SPATA9: variants seen among roughly 807,000 people sequenced by gnomAD.
SPATA9 encodes spermatogenesis associated 9, also known as spermatogenesis-associated protein 9.
A neutral mutation model predicts 25.5 loss-of-function variants in SPATA9; 27 were observed. The ratio of observed to expected loss-of-function variants is 1.06; its 90% confidence interval spans 0.78 to 1.46. The LOEUF is 1.46. Among genes scored for constraint, SPATA9 ranks in the 40% most tolerant of loss-of-function variants. The pLI, the probability that SPATA9 is intolerant of heterozygous loss-of-function variation, is 0.00. For missense variants in SPATA9, 282 were observed against 297.5 expected (o/e 0.95, Z 0.38); for synonymous variants, 102 against 105.7 (o/e 0.97, Z 0.21).
At chr5:95,696,519 A>C (rs1754025763) in intron 1 of SPATA9, among the ~76,000 whole-genome samples, 1 of 152,186 alleles carries the variant, frequency 6.6e-6, no homozygotes, top group Non-Finnish European at 1.5e-5. Flanking sequence ...TTGTAAAAGA[A>C]AGGAGTATTG....
intron 3 of SPATA9, among the ~76,000 whole-genome samples, chr5:95,668,829 A>T (rs940007462): frequency 1.3e-5 from 2 of 152,190 alleles, no homozygotes; most frequent in Non-Finnish European, 2.9e-5. Flanking sequence ...TCACACAAAA[A>T]ACCCAACAGT....
At chr5:95,657,832 C>G (rs1750854193), downstream of SPATA9, 1 of 152,130 alleles carries the variant, frequency 6.6e-6, no homozygotes, top group South Asian at 2.1e-4. Flanking sequence ...GAAGGTACAT[C>G]CCAGTCTATT....
chr5:95,654,056 A>G (rs754590866), downstream of SPATA9: 28 of 1,605,390 alleles, frequency 1.7e-5, no homozygotes, highest in Middle Eastern at 2.3e-4. Flanking sequence ...TTTATGTTCA[A>G]CTAGCATGAA....
At chr5:95,697,577 G>A (rs910021474) in intron 1 of SPATA9, among the ~76,000 whole-genome samples, 8 of 152,154 alleles carry the variant, frequency 5.3e-5, no homozygotes, top group African/African-American at 1.9e-4. Context: ...CACAATCAAG[G>A]GGAGGGAAGG....
upstream of SPATA9, among the ~76,000 whole-genome samples, chr5:95,703,119 CAT>C (rs764480278): frequency 1.6e-4 from 24 of 152,250 alleles, no homozygotes; most frequent in Middle Eastern, 3.4e-3. Context: ...GTATTTGGAA[CAT>C]ATTTAGCAAA....
chr5:95,653,922 T>A (rs1300699808), downstream of SPATA9: 5 of 610,524 alleles, frequency 8.2e-6, no homozygotes, highest in Non-Finnish European at 1.4e-5. Flanking sequence ...CTAGTATTTA[T>A]AAATGTTTTA....
At chr5:95,712,703 C>T in the SPATA9 span, among the ~76,000 whole-genome samples, 1 of 152,148 alleles carries the variant, frequency 6.6e-6, no homozygotes, top group Admixed American at 6.5e-5. Flanking sequence ...TGAGTTTTCC[C>T]ACCTGAGGCC....
the SPATA9 span, among the ~76,000 whole-genome samples, chr5:95,711,814 T>G: frequency 6.6e-6 from 1 of 152,250 alleles, no homozygotes; most frequent in Non-Finnish European, 1.5e-5. Flanking sequence ...GGAGGATTCC[T>G]GACCAAACTT....
the SPATA9 span, among the ~76,000 whole-genome samples, chr5:95,724,347 A>T: frequency 6.6e-6 from 1 of 152,276 alleles, no homozygotes; most frequent in East Asian, 1.9e-4. Flanking sequence ...TTCTGAAACT[A>T]ATCAGAAGTG....
downstream of SPATA9, chr5:95,654,095 AAG>A (rs1318432547): frequency 1.2e-6 from 2 of 1,611,612 alleles, no homozygotes; most frequent in Non-Finnish European, 1.7e-6. Context: ...AGATCCTGAA[AAG>A]AGGGAATATT....
chr5:95,673,675 T>C (rs1752629231), intron 3 of SPATA9, among the ~76,000 whole-genome samples: 1 of 152,116 alleles, frequency 6.6e-6, no homozygotes, highest in Non-Finnish European at 1.5e-5. Flanking sequence ...GATATTTCAG[T>C]GGGGATTTAA....
chr5:95,665,988 G>A (rs1751771010), intron 3 of SPATA9, among the ~76,000 whole-genome samples: 2 of 151,956 alleles, frequency 1.3e-5, no homozygotes, highest in African/African-American at 4.8e-5. Context: ...TAAATAAAAG[G>A]TACTTCTGAA....
rs374536214 is a variant in SPATA9 at position 95,675,464 on chromosome 5, C to G, written c.326G>C (p.Gly109Ala). ...CRLLELRDIS[G>A]RLLREVNAPR... ...CGCATTAACTTCCCTCAGCAGACGA[C>G]CAGATATGTCCCTTAGCTCTAAAAG... is the stretch of plus-strand genomic sequence containing the variant. The change falls in exon 3 of 5, where the codon GGT (glycine) becomes GCT (alanine). Residue 109 changes from glycine to alanine, a missense_variant. Coordinates refer to ENST00000274432, the MANE Select transcript of SPATA9 (RefSeq NM_031952.4). 10 of 1,614,162 alleles carry G rather than the reference C, an allele frequency of 6.2e-6. 1 individual carries two copies. In the African/African-American group the frequency reaches 1.3e-4, roughly 22 times the overall value.
At chr5:95,705,307 C>T in the SPATA9 span, among the ~76,000 whole-genome samples, 2 of 152,122 alleles carry the variant, frequency 1.3e-5, no homozygotes, top group Admixed American at 6.6e-5. Context: ...CCAAAGGCCA[C>T]ATCCCTTAAT....
Position 95,675,575 on chromosome 5 carries a change from C to T in SPATA9, c.215G>A (p.Arg72Gln), listed in dbSNP as rs142489768. Residue 72 changes from arginine to glutamine, a missense_variant, in exon 3 of 5, where the codon CGA becomes CAA. Transcript: ENST00000274432. Reference sequence around the variant, plus strand: ...GTTTAATCCACGAATTAATGTTGCTCGATTAATCTTAGCTAAAGCAATAGC... The same window carrying T: ...GTTTAATCCACGAATTAATGTTGCTTGATTAATCTTAGCTAAAGCAATAGC... ...RMAIALAKIN[R>Q]ATLIRGLNSI... 1.1e-4 allele frequency: 179 copies of T among 1,614,020 alleles called. No individual in the cohort carries two copies. The African/African-American group carries it at 2.0e-3, about 18-fold the overall frequency.
At chr5:95,684,901 C>T (rs1753701094), upstream of SPATA9, 1 of 152,110 alleles carries the variant, frequency 6.6e-6, no homozygotes, top group African/African-American at 2.4e-5. Context: ...ATTTTTATGA[C>T]AGCTGTACAG....
At chr5:95,712,293 G>A in the SPATA9 span, among the ~76,000 whole-genome samples, 3 of 152,140 alleles carry the variant, frequency 2.0e-5, no homozygotes, top group African/African-American at 4.8e-5. Context: ...CCCACAATGT[G>A]GCCTTGATAC....
chr5:95,730,900 A>T, the SPATA9 span: 1 of 456,244 alleles, frequency 2.2e-6, no homozygotes, highest in Admixed American at 2.4e-5. Flanking sequence ...AGACGTGGTA[A>T]AGCACTTTCG....
chr5:95,720,908 A>T, the SPATA9 span, among the ~76,000 whole-genome samples: 1 of 152,306 alleles, frequency 6.6e-6, no homozygotes, highest in African/African-American at 2.4e-5. Context: ...TTGTTGCCAT[A>T]TTTTACCGAA....
Sources: allele counts gnomAD v4.1 joint callset (sites outside exome capture counted in the v4.1 genomes callset), GRCh38; gene constraint gnomAD v4.1.1; transcripts MANE v1.5; gene names NCBI Gene and HGNC (gene_info 2026-07-23, HGNC 2026-07-21).